Variants in MAIP1 observed in about 807,000 individuals in gnomAD.
The protein encoded by MAIP1 is matrix AAA peptidase interacting protein 1.
MAIP1 carries 28 observed loss-of-function variants against 31.2 expected under a neutral mutation model. That is an observed-to-expected ratio of 0.90 (90% CI 0.67 to 1.23). MAIP1 has a LOEUF of 1.23. MAIP1 is among the 50% of genes most tolerant of loss of function. The probability of loss-of-function intolerance (pLI) is 0.00; values close to 1 mark genes in which losing one functional copy is unlikely to be tolerated. For missense variants in MAIP1, 339 were observed against 356.0 expected (o/e 0.95, Z 0.38); for synonymous variants, 142 against 142.3 (o/e 1.00, Z 0.02).
intron 4 of MAIP1, among the ~76,000 whole-genome samples, chr2:199,963,085 T>C (rs2077644979): frequency 6.6e-6 from 1 of 152,114 alleles, no homozygotes; most frequent in African/African-American, 2.4e-5. Context: ...GCTTTATTTG[T>C]AATTACCCAA....
At chr2:199,961,986 G>A (rs540716498) in intron 4 of MAIP1, 58 bp downstream of exon 4, 3 of 1,439,560 alleles carry the variant, frequency 2.1e-6, no homozygotes, top group Non-Finnish European at 2.8e-6. Flanking sequence ...GTAGTGTGAA[G>A]GTATGAAAAC....
intron 4 of MAIP1, 100 bp downstream of exon 4, chr2:199,962,028 T>C: frequency 9.2e-7 from 1 of 1,090,864 alleles, no homozygotes; most frequent in Non-Finnish European, 1.3e-6. Context: ...AGAATTGAAA[T>C]TTGACAAGTT....
At position 199,961,878 on chromosome 2, in the gene MAIP1, G is replaced by A. The variant is rs1227728030; in HGVS notation, c.747G>A (p.Lys249=). The A allele has an allele frequency of 1.2e-6, 2 of 1,613,920 alleles. No individual in the cohort carries two copies. Among genetic ancestry groups the A allele is most frequent in the Non-Finnish European group, 1.7e-6 (2 of 1,179,950 alleles). The change falls in exon 4 of 5, where the codon AAG becomes AAA. Residue 249 remains lysine, a synonymous_variant. Transcript: ENST00000392290. The stretch of plus-strand genomic sequence containing the variant: ...GAGGAGCCAGTGTATTCCAGGTTAA[G>A]TTGGGGAATCAGAATGTGGAAACTA... ...TLRGASVFQV[K]LGNQNVETKQ... is the part of the protein sequence containing the mutation.
In MAIP1 at chr2:199,956,775, A is replaced by G. The variant is rs776574791; in HGVS notation, c.450+527A>G. Among the ~76,000 whole-genome samples the G allele has an allele frequency of 5.0e-4, 76 of 152,358 alleles. 1 individual carries two copies. The highest frequency in any genetic ancestry group is 1.5e-4 in the Non-Finnish European group (10 of 68,032). On this transcript the variant is annotated intron_variant, in intron 1 of 4. Transcript: ENST00000392290. ...CAGAACTTCCTGCCAGCTATTAGAC[A>G]GAGCCGACCAATACACCACCCCATA...
intron 3 of MAIP1, among the ~76,000 whole-genome samples, chr2:199,960,275 A>C (rs1559312654): frequency 6.6e-6 from 1 of 152,232 alleles, no homozygotes; most frequent in Non-Finnish European, 1.5e-5. Flanking sequence ...CAAATTAGAT[A>C]TTGTCAGCTA....
intron 3 of MAIP1, among the ~76,000 whole-genome samples, chr2:199,960,761 C>T (rs945267406): frequency 1.3e-5 from 2 of 152,170 alleles, no homozygotes; most frequent in Admixed American, 6.5e-5. Context: ...ACCAATCCTC[C>T]GTGGATTTTG....
In MAIP1 at chr2:199,964,068, A is replaced by G. The variant is rs1447902186; in HGVS notation, c.*257A>G. ...GGTGTCATATTCAATAACATTTCCAATGCTACATATAATTTTATAGACATA... is the reference window on the plus strand; with the variant it reads ...GGTGTCATATTCAATAACATTTCCAGTGCTACATATAATTTTATAGACATA... On this transcript the variant is annotated 3_prime_UTR_variant, in exon 5 of 5. Transcript: ENST00000392290. 2 of 241,410 alleles carry G rather than the reference A, an allele frequency of 8.3e-6. No individual in the cohort carries two copies. The highest frequency in any genetic ancestry group is 2.3e-5 in the African/African-American group (1 of 44,280). 15.0% of individuals were successfully genotyped at this position (241,410 alleles called of 1,614,324 possible).
chr2:199,955,871 C>G lies in MAIP1; in HGVS notation c.73C>G (p.Arg25Gly). 1 of 1,541,540 alleles carries G rather than the reference C, an allele frequency of 6.5e-7. No homozygotes were observed. Among genetic ancestry groups the G allele is most frequent in the Non-Finnish European group, 8.7e-7 (1 of 1,145,616 alleles). ...RSLPCGAVRL[R>G]TPAVAEVRLP... ...GCTGCCCTGCGGGGCCGTCCGACTCCGGACTCCTGCTGTGGCCGAGGTGAG... is the reference window on the plus strand; with the variant it reads ...GCTGCCCTGCGGGGCCGTCCGACTCGGGACTCCTGCTGTGGCCGAGGTGAG... Residue 25 changes from arginine (R) to glycine (G), a missense_variant, in exon 1 of 5, where the codon CGG becomes GGG. Coordinates refer to ENST00000392290, the MANE Select transcript of MAIP1 (RefSeq NM_001394955.1).
intron 4 of MAIP1, among the ~76,000 whole-genome samples, chr2:199,963,086 A>C (rs1379338016): frequency 6.6e-6 from 1 of 151,788 alleles, no homozygotes; most frequent in Non-Finnish European, 1.5e-5. Context: ...CTTTATTTGT[A>C]ATTACCCAAA....
Position 199,955,623 on chromosome 2 carries a change from GA to G in MAIP1, c.-174del. 8.3e-7 allele frequency: 1 copy of G among 1,197,974 alleles called. No homozygotes were observed. Among genetic ancestry groups the G allele is most frequent in the Non-Finnish European group, 1.2e-6 (1 of 869,536 alleles). 74.2% of individuals were successfully genotyped at this position (1,197,974 alleles called of 1,614,324 possible). On this transcript the variant is annotated 5_prime_UTR_variant, in exon 1 of 5. Transcript: ENST00000392290. ...GGGTCCGAGCGCGGGGCGGGTTGCC[GA>G]AGGGCCTCGGCCTGGGCTGCGTGCT...
chr2:199,956,016 GGCCAGTGCTCAGCA>G lies in MAIP1; in HGVS notation c.222_235del (p.Val75GlyfsTer44), dbSNP rs748651695. On this transcript the variant is annotated frameshift_variant, in exon 1 of 5. Transcript: ENST00000392290. LOFTEE classifies it high-confidence loss of function. The stretch of plus-strand genomic sequence containing the variant: ...GCGCTACCTGCCCAGGGCTCCCGGT[GGCCAGTGCTCAGCA>G]GCCCGGGACTCCCCGCAGCCTTCGC... 1.9e-6 allele frequency: 3 copies of G among 1,610,256 alleles called. No individual in the cohort carries two copies. Among genetic ancestry groups the G allele is most frequent in the Non-Finnish European group, 2.5e-6 (3 of 1,178,206 alleles).
chr2:199,961,659 A>G (rs1266015576), intron 3 of MAIP1, 122 bp from the exon 4 acceptor site: 3 of 770,176 alleles, frequency 3.9e-6, no homozygotes, highest in Non-Finnish European at 6.2e-6. Flanking sequence ...CATCAGAATA[A>G]GCACAAAATT....
At chr2:199,963,068 A>T (rs773095551) in intron 4 of MAIP1, among the ~76,000 whole-genome samples, 38 of 152,042 alleles carry the variant, frequency 2.5e-4, no homozygotes, top group Non-Finnish European at 3.4e-4. Flanking sequence ...GTGTTTTTTT[A>T]AATTTTGCTT....
Position 199,955,925 on chromosome 2 carries a change from T to C in MAIP1, c.127T>C (p.Cys43Arg), listed in dbSNP as rs2105721897. ...RLPSATLCYFCRCRLGLGAAL... is the reference protein window; with the variant it reads ...RLPSATLCYFRRCRLGLGAAL... Reference sequence around the variant, plus strand: ...GCCGTCGGCCACACTTTGCTACTTCTGCCGCTGTCGCCTCGGCTTGGGAGC... The same window carrying C: ...GCCGTCGGCCACACTTTGCTACTTCCGCCGCTGTCGCCTCGGCTTGGGAGC... Residue 43 changes from cysteine (C) to arginine (R), a missense_variant, in exon 1 of 5, where the codon TGC becomes CGC. Physicochemically the swap from Cys to Arg is radical, Grantham distance 180. Transcript: ENST00000392290. 1.3e-6 allele frequency: 2 copies of C among 1,599,356 alleles called. No individual in the cohort carries two copies. The highest frequency in any genetic ancestry group is 4.5e-5 in the East Asian group (2 of 44,622).
intron 3 of MAIP1, 151 bp from the exon 4 acceptor site, chr2:199,961,630 A>C: frequency 1.6e-6 from 1 of 606,126 alleles, no homozygotes; most frequent in Non-Finnish European, 2.8e-6. Flanking sequence ...AATAGTATCA[A>C]TACAAGTATT....
chr2:199,960,499 T>C (rs2077630034), intron 3 of MAIP1, among the ~76,000 whole-genome samples: 1 of 152,172 alleles, frequency 6.6e-6, no homozygotes, highest in Non-Finnish European at 1.5e-5. Context: ...ATTTAACCAA[T>C]CTAGGGTAAA....
chr2:199,963,189 A>T lies in MAIP1; in HGVS notation c.798-544A>T, dbSNP rs182056778. On this transcript the variant is annotated intron_variant, in intron 4 of 4. Transcript: ENST00000392290. ...AGCACTGTCGTCAATACTAAACTTTATCTTTTCTGATGTTTCTTACTAAGA... is the reference window on the plus strand; with the variant it reads ...AGCACTGTCGTCAATACTAAACTTTTTCTTTTCTGATGTTTCTTACTAAGA... Among the ~76,000 whole-genome samples the T allele has an allele frequency of 2.6e-5, 4 of 152,292 alleles. No homozygotes were observed. The East Asian group carries it at 7.7e-4, about 29-fold the overall frequency.
At position 199,955,741 on chromosome 2, in the gene MAIP1, T is replaced by C; in HGVS notation, c.-58T>C. On this transcript the variant is annotated 5_prime_UTR_variant, in exon 1 of 5. Transcript: ENST00000392290. Reference sequence around the variant, plus strand: ...TTTCTCCGACACCGCTGAGGCGGTTTCCCACCGACTTCCTTTCCATACAGC... The same window carrying C: ...TTTCTCCGACACCGCTGAGGCGGTTCCCCACCGACTTCCTTTCCATACAGC... 6.8e-7 allele frequency: 1 copy of C among 1,470,568 alleles called. No individual in the cohort carries two copies. Among genetic ancestry groups the C allele is most frequent in the Non-Finnish European group, 9.1e-7 (1 of 1,099,694 alleles). The allele number at this position is 1,470,568 out of a possible 1,614,324, so 91.1% of individuals were successfully genotyped here.
At chr2:199,959,137 A>G (rs994741746) in intron 1 of MAIP1, 131 bp from the exon 2 acceptor site, 2 of 591,840 alleles carry the variant, frequency 3.4e-6, no homozygotes, top group African/African-American at 3.7e-5. Context: ...ATGCCTTGAT[A>G]AATTAATATT....
Sources: gnomAD v4.1 joint callset for allele counts (sites outside exome capture counted in the v4.1 genomes callset) on GRCh38, gnomAD v4.1.1 for gene constraint, MANE v1.5 for transcripts, NCBI Gene and HGNC (gene_info 2026-07-23, HGNC 2026-07-21) for gene names.